Variants in HIF3A observed in about 807,000 individuals in gnomAD.
HIF3A encodes the protein hypoxia inducible factor 3 subunit alpha.
In HIF3A, 41 loss-of-function variants were observed where a neutral mutation model predicts 67.2. The ratio of observed to expected loss-of-function variants is 0.61; its 90% CI spans 0.48 to 0.79. The LOEUF (loss-of-function observed/expected upper bound fraction) is 0.79. Among genes scored for constraint, HIF3A ranks in the 30% least tolerant of loss-of-function variants. The pLI is 0.00. For synonymous variants in HIF3A, 356 were observed against 374.8 expected (o/e 0.95, Z 0.58); for missense variants, 855 against 898.0 (o/e 0.95, Z 0.61).
At chr19:46,323,295 C>T (rs943648574) in intron 10 of HIF3A, among the ~76,000 whole-genome samples, 86 of 151,812 alleles carry the variant, frequency 5.7e-4, no homozygotes, top group African/African-American at 1.9e-3. Context: ...ATGATCCACC[C>T]GCCTCGGCCT....
At chr19:46,308,991 A>G (rs1284923153) in intron 5 of HIF3A, among the ~76,000 whole-genome samples, 160 bp from the exon 6 acceptor site, 2 of 151,860 alleles carry the variant, frequency 1.3e-5, no homozygotes, top group African/African-American at 4.8e-5. Flanking sequence ...ATGGGTTCCT[A>G]TGGGCCTGGG....
chr19:46,312,025 T>C, intron 6 of HIF3A, 136 bp from the exon 7 acceptor site: 2 of 785,292 alleles, frequency 2.5e-6, no homozygotes, highest in Non-Finnish European at 4.6e-6. Flanking sequence ...TGTTTCTTAC[T>C]CCTTTTCTCT....
rs1186693895 is a variant in HIF3A, at chr19:46,339,949, CA to C, written c.*328del. Reference sequence around the variant, plus strand: ...CTCTCTTGGCTTTATTTTGGGGAATCAGGGGTGAGGAGGGTTGGGGGGGTCA... The same window carrying C: ...CTCTCTTGGCTTTATTTTGGGGAATCGGGGTGAGGAGGGTTGGGGGGGTCA... On this transcript the variant is annotated 3_prime_UTR_variant, in exon 15 of 15. Transcript: ENST00000377670. 1 of 273,440 alleles carries C rather than the reference CA, an allele frequency of 3.7e-6. No homozygotes were observed. The highest frequency in any genetic ancestry group is 6.8e-6 in the Non-Finnish European group (1 of 147,232). 16.9% of individuals were successfully genotyped at this position (273,440 alleles called of 1,614,324 possible).
intron 6 of HIF3A, among the ~76,000 whole-genome samples, 155 bp downstream of exon 6, chr19:46,309,514 A>G (rs867705231): frequency 1.3e-5 from 2 of 151,006 alleles, no homozygotes; most frequent in Middle Eastern, 6.8e-3. Flanking sequence ...TGAATTTTCT[A>G]CATGCCTTTT....
chr19:46,313,183 G>A (rs1195344810), intron 8 of HIF3A: 4 of 594,740 alleles, frequency 6.7e-6, no homozygotes, highest in African/African-American at 4.1e-5. Flanking sequence ...CCCAGGTGGT[G>A]GAGGCTGCAG....
chr19:46,308,864 C>T, intron 5 of HIF3A, 89 bp downstream of exon 5: 1 of 948,964 alleles, frequency 1.1e-6, no homozygotes, highest in Non-Finnish European at 1.6e-6. Flanking sequence ...GTCCAGGCAT[C>T]TCCTAGGCTG....
chr19:46,304,231 C>A (rs539861892), intron 2 of HIF3A, 143 bp downstream of exon 2: 8 of 692,560 alleles, frequency 1.2e-5, no homozygotes, highest in African/African-American at 1.1e-4. Flanking sequence ...CGGAGCCCCA[C>A]CCCCCTGGAA....
rs1967935714 is a variant in HIF3A, at chr19:46,297,259, T to G, written c.26+157T>G. Among the ~76,000 whole-genome samples the G allele has an allele frequency of 2.0e-5, 3 of 152,032 alleles. No homozygotes were observed. Among genetic ancestry groups the G allele is most frequent in the Non-Finnish European group, 4.4e-5 (3 of 67,992 alleles). On this transcript the variant is annotated intron_variant, in intron 1 of 14. Coordinates refer to ENST00000377670, the MANE Select transcript of HIF3A (RefSeq NM_152795.4). The surrounding 1 kb of genome is among the most constrained non-coding windows in gnomAD (Gnocchi z 4.5). ...CACATCCCCACCGCACTCTCCACCCTTAGGGACTGCAGGGGTGGGGGATTC... is the reference window on the plus strand; with the variant it reads ...CACATCCCCACCGCACTCTCCACCCGTAGGGACTGCAGGGGTGGGGGATTC...
intron 8 of HIF3A, among the ~76,000 whole-genome samples, chr19:46,315,955 G>T (rs933248490): frequency 1.3e-5 from 2 of 151,884 alleles, no homozygotes; most frequent in Non-Finnish European, 2.9e-5. Flanking sequence ...CCAGGACAGG[G>T]TGCGGTGGCT....
At chr19:46,331,305 C>T in intron 13 of HIF3A, 32 bp downstream of exon 13, 1 of 1,541,010 alleles carries the variant, frequency 6.5e-7, no homozygotes, top group Non-Finnish European at 9.0e-7. Context: ...ATTCTCTGGC[C>T]CTCATTACCT....
chr19:46,304,645 C>T (rs926044368), intron 2 of HIF3A, among the ~76,000 whole-genome samples: 8 of 152,270 alleles, frequency 5.3e-5, no homozygotes, highest in Admixed American at 4.6e-4. Flanking sequence ...TGCACACACA[C>T]ACATACACTC....
intron 5 of HIF3A, 68 bp downstream of exon 5, chr19:46,308,843 A>C: frequency 9.3e-7 from 1 of 1,070,968 alleles, no homozygotes; most frequent in South Asian, 1.5e-5. Context: ...AAGATCTTGA[A>C]GGGTGCTGGA....
intron 2 of HIF3A, 151 bp downstream of exon 2, chr19:46,304,239 GAATC>G: frequency 6.1e-6 from 4 of 655,170 alleles, no homozygotes; most frequent in Non-Finnish European, 1.0e-5. Flanking sequence ...CACCCCCCTG[GAATC>G]GACTTCCCCG....
chr19:46,322,679 G>T (rs1970462228), intron 10 of HIF3A, among the ~76,000 whole-genome samples: 1 of 152,088 alleles, frequency 6.6e-6, no homozygotes, highest in South Asian at 2.1e-4. Flanking sequence ...GACATCAAGT[G>T]ATCTTCCGGC....
chr19:46,302,666 G>GC (rs1968444637), intron 1 of HIF3A, among the ~76,000 whole-genome samples: 1 of 152,174 alleles, frequency 6.6e-6, no homozygotes, highest in African/African-American at 2.4e-5. Context: ...TTGAGTTCAG[G>GC]AGTTCAAGAC....
chr19:46,331,039 A>G (rs2093492196), intron 12 of HIF3A, 117 bp from the exon 13 acceptor site: 1 of 673,464 alleles, frequency 1.5e-6, no homozygotes, highest in South Asian at 2.1e-5. Flanking sequence ...TGGGTGTATG[A>G]CTAAAGGAAT....
At position 46,308,744 on chromosome 19, in the gene HIF3A, G is replaced by T; in HGVS notation, c.530G>T (p.Arg177Leu). 1 of 1,609,110 alleles carries T rather than the reference G, an allele frequency of 6.2e-7. No homozygotes were observed. The highest frequency in any genetic ancestry group is 8.5e-7 in the Non-Finnish European group (1 of 1,177,734). The change falls in exon 5 of 15, where the codon CGC (arginine) becomes CTC (leucine). Residue 177 changes from arginine (R) to leucine (L), a missense_variant. By Grantham distance (102) the Arg-to-Leu change is moderately radical. Around this residue, in one of 3 missense-constraint regions of HIF3A, gnomAD observed 638 missense variants for 660.5 expected, o/e 0.97. Transcript: ENST00000377670. ...AAGAGTACACTCACCAGCCGCGGGC[G>T]CACCCTCAACCTCAAGGCGGCCACC... ...RMKSTLTSRG[R>L]TLNLKAATWK... is the part of the protein sequence containing the mutation.
chr19:46,321,340 T>G (rs1601305849), intron 9 of HIF3A, among the ~76,000 whole-genome samples: 1 of 152,088 alleles, frequency 6.6e-6, no homozygotes, highest in African/African-American at 2.4e-5. Flanking sequence ...TCCCAGCACT[T>G]TGGGAGGCCG....
chr19:46,325,716 A>C (rs758728175), intron 11 of HIF3A, 77 bp downstream of exon 11: 1 of 958,184 alleles, frequency 1.0e-6, no homozygotes, highest in Non-Finnish European at 1.7e-6. Context: ...AGAGAAGGGT[A>C]GTGGGATGGT....
Sources: gnomAD v4.1 joint callset for allele counts (sites outside exome capture counted in the v4.1 genomes callset) on GRCh38, gnomAD v4.1.1 for gene constraint, gnomAD v4.1.1 regional missense constraint, Gnocchi (gnomAD v3.1) non-coding constraint, MANE v1.5 for transcripts, NCBI Gene and HGNC (gene_info 2026-07-23, HGNC 2026-07-21) for gene names.